Variants in CASQ2 observed in about 807,000 individuals in gnomAD.
CASQ2 encodes calsequestrin-2.
In CASQ2, 49 loss-of-function variants were observed where a neutral mutation model predicts 46.5. That is an observed-to-expected ratio of 1.05 (90% CI 0.84 to 1.34). The LOEUF (loss-of-function observed/expected upper bound fraction) is 1.34, where lower values mean the gene tolerates loss of function less well. CASQ2 is among the 40% of genes most tolerant of loss of function. The probability of loss-of-function intolerance (pLI) is 0.00; values close to 1 mark genes in which losing one functional copy is unlikely to be tolerated. For synonymous variants in CASQ2, 174 were observed against 168.5 expected, an observed-to-expected ratio of 1.03 and a Z score of -0.25; for missense variants, 486 against 481.3, an observed-to-expected ratio of 1.01 and a Z score of -0.09.
At chr1:115,718,822 AT>A (rs1280372413) in intron 7 of CASQ2, among the ~76,000 whole-genome samples, 2 of 152,292 alleles carry the variant, frequency 1.3e-5, no homozygotes, top group African/African-American at 4.8e-5. Flanking sequence ...TGCAATGATT[AT>A]TCCTGGAGAA....
intron 7 of CASQ2, among the ~76,000 whole-genome samples, chr1:115,723,305 T>TTATCTATCTATCTATC (rs58680506): frequency 0.13 from 18,991 of 148,714 alleles, 1,307 homozygotes; most frequent in African/African-American, 0.15. Context: ...ATCTATCTAT[T>TTATCTATCTATCTATC]TATCTATCTA....
intron 5 of CASQ2, among the ~76,000 whole-genome samples, chr1:115,730,601 T>C (rs1647751525): frequency 6.6e-6 from 1 of 152,240 alleles, no homozygotes; most frequent in African/African-American, 2.4e-5. Flanking sequence ...CTCTTGTTCC[T>C]CAATAGATTC....
intron 7 of CASQ2, 44 bp downstream of exon 7, chr1:115,725,464 T>C (rs1647547699): frequency 3.7e-6 from 6 of 1,604,308 alleles, no homozygotes; most frequent in African/African-American, 1.3e-5. Flanking sequence ...TCTTTGGGAC[T>C]ATACTCATCT....
intron 4 of CASQ2, among the ~76,000 whole-genome samples, chr1:115,733,814 A>G (rs1270173515): frequency 6.6e-6 from 1 of 152,220 alleles, no homozygotes; most frequent in Non-Finnish European, 1.5e-5. Flanking sequence ...CATTTCATGG[A>G]ATTCCATTTC....
intron 8 of CASQ2, among the ~76,000 whole-genome samples, chr1:115,708,353 C>T (rs1003664221): frequency 6.6e-6 from 1 of 152,204 alleles, no homozygotes; most frequent in African/African-American, 2.4e-5. Context: ...GGGCAGGTTT[C>T]TGATGTTCAG....
chr1:115,735,481 A>T (rs1647926471), intron 4 of CASQ2, among the ~76,000 whole-genome samples: 1 of 152,230 alleles, frequency 6.6e-6, no homozygotes, highest in Non-Finnish European at 1.5e-5. Context: ...CTTAATTGAA[A>T]ATTGCAAGGG....
intron 4 of CASQ2, among the ~76,000 whole-genome samples, chr1:115,737,222 A>G (rs184971749): frequency 2.6e-5 from 4 of 152,356 alleles, no homozygotes; most frequent in African/African-American, 9.6e-5. Flanking sequence ...CCTCTAGCAC[A>G]TTCATTTTAA....
In CASQ2 at chr1:115,740,818, TTCA is replaced by T. The variant is rs1358515759; in HGVS notation, c.327_329del (p.Asp109del). On this transcript the variant is annotated inframe_deletion, in exon 3 of 11. Transcript: ENST00000261448. The stretch of plus-strand genomic sequence containing the variant: ...CCTTAAGAATATACAGGCTTCCTTC[TTCA>T]TCAAAACCTGTAAGAAACAAAGAGG... The T allele has an allele frequency of 1.9e-5, 30 of 1,610,190 alleles. No homozygotes were observed. Among genetic ancestry groups the T allele is most frequent in the Non-Finnish European group, 2.5e-5 (30 of 1,176,638 alleles).
intron 10 of CASQ2, among the ~76,000 whole-genome samples, chr1:115,702,051 T>C (rs1654222006): frequency 6.6e-6 from 1 of 152,142 alleles, no homozygotes; most frequent in African/African-American, 2.4e-5. Context: ...GCCTCCCAAG[T>C]AACTGGTGTT....
intron 8 of CASQ2, among the ~76,000 whole-genome samples, chr1:115,713,365 T>C (rs1237129065): frequency 2.6e-5 from 4 of 152,102 alleles, no homozygotes; most frequent in Non-Finnish European, 5.9e-5. Context: ...GAAATGTCCT[T>C]CCCAGCCAGG....
chr1:115,765,323 T>C (rs1557808498), intron 1 of CASQ2, among the ~76,000 whole-genome samples: 1 of 152,200 alleles, frequency 6.6e-6, no homozygotes, highest in Admixed American at 6.5e-5. Flanking sequence ...GGCAGTGACC[T>C]CCTCACTCTG....
chr1:115,737,674 C>A (rs1648010942), intron 4 of CASQ2, among the ~76,000 whole-genome samples: 1 of 152,178 alleles, frequency 6.6e-6, no homozygotes, highest in African/African-American at 2.4e-5. Flanking sequence ...CTGTGTCCAC[C>A]CAAAACCTGG....
chr1:115,737,893 A>G (rs1648019927), intron 4 of CASQ2, among the ~76,000 whole-genome samples: 1 of 152,222 alleles, frequency 6.6e-6, no homozygotes. Context: ...CCAGGGAGAC[A>G]GCCCATTGCT....
At chr1:115,739,099 A>G (rs576562109) in intron 3 of CASQ2, among the ~76,000 whole-genome samples, 100 of 108,940 alleles carry the variant, frequency 9.2e-4, no homozygotes, top group Non-Finnish European at 1.9e-3. Context: ...TCCCTTGTGT[A>G]TGTATAGCAC....
At chr1:115,764,063 A>G (rs1034969119) in intron 1 of CASQ2, among the ~76,000 whole-genome samples, 2 of 152,204 alleles carry the variant, frequency 1.3e-5, no homozygotes, top group African/African-American at 4.8e-5. Context: ...TGACACCCCA[A>G]TAGAAAAATG....
chr1:115,739,136 G>C (rs1245628783), intron 3 of CASQ2, among the ~76,000 whole-genome samples: 10 of 21,626 alleles, frequency 4.6e-4, no homozygotes, highest in Non-Finnish European at 4.3e-3. Context: ...TTTTGAGATG[G>C]AGTCATGCTG....
intron 1 of CASQ2, among the ~76,000 whole-genome samples, chr1:115,752,821 G>T (rs1376393615): frequency 6.6e-6 from 1 of 152,216 alleles, no homozygotes; most frequent in Non-Finnish European, 1.5e-5. Flanking sequence ...AGAAAGGAGA[G>T]TGGAAAGGAA....
chr1:115,707,056 T>C (rs939777212), intron 8 of CASQ2, among the ~76,000 whole-genome samples: 4 of 151,904 alleles, frequency 2.6e-5, no homozygotes, highest in African/African-American at 9.7e-5. Flanking sequence ...TTTTGTCTGT[T>C]GCCCAGGCTG....
chr1:115,768,234 C>G (rs1649196717), intron 1 of CASQ2, 74 bp downstream of exon 1: 1 of 984,950 alleles, frequency 1.0e-6, no homozygotes, highest in Non-Finnish European at 1.7e-6. Flanking sequence ...TTCCCATATC[C>G]CAACCCCTGG....
Sources: allele counts gnomAD v4.1 joint callset (sites outside exome capture counted in the v4.1 genomes callset), GRCh38; gene constraint gnomAD v4.1.1; transcripts MANE v1.5; gene names NCBI Gene and HGNC (gene_info 2026-07-23, HGNC 2026-07-21).